TRDN: variants seen among roughly 807,000 people sequenced by gnomAD.
TRDN encodes the protein triadin in skeletal muscle.
In TRDN, 161 loss-of-function variants were observed where a neutral mutation model predicts 149.7. The ratio of observed to expected loss-of-function variants is 1.08; its 90% confidence interval spans 0.95 to 1.23. The LOEUF (loss-of-function observed/expected upper bound fraction) is 1.23, where lower values mean the gene tolerates loss of function less well. Ranked by LOEUF, TRDN falls within the 50% of genes most tolerant of loss-of-function variation. The probability of loss-of-function intolerance (pLI) is 0.00; values close to 1 mark genes in which losing one functional copy is unlikely to be tolerated. For synonymous variants in TRDN, 294 were observed against 250.5 expected (o/e 1.17, Z -1.64); for missense variants, 896 against 823.5 (o/e 1.09, Z -1.08).
At chr6:123,398,146 A>C (rs913072397) in intron 12 of TRDN, among the ~76,000 whole-genome samples, 3 of 152,224 alleles carry the variant, frequency 2.0e-5, no homozygotes, top group Admixed American at 6.5e-5. Context: ...CCGGGATTAC[A>C]GGCGTCCGCC....
rs397515459 is a variant in TRDN, at chr6:123,570,979, G to A, written c.176C>T (p.Thr59Met). 1.9e-5 allele frequency: 31 copies of A among 1,613,822 alleles called. No individual in the cohort carries two copies. Among genetic ancestry groups the A allele is most frequent in the Admixed American group, 3.3e-5 (2 of 60,008 alleles). The stretch of plus-strand genomic sequence containing the variant: ...CATAACGATGGCAACAGCTGACCAC[G>A]TGATTATCAGGGCAATGACCAGAAG... ...AWLLVIALII[T>M]WSAVAIVMFD... Residue 59 changes from threonine (T) to methionine (M), a missense_variant, in exon 2 of 41, where the codon ACG (threonine) becomes ATG (methionine). Coordinates refer to ENST00000334268, the MANE Select transcript of TRDN (RefSeq NM_006073.4).
At chr6:123,385,022 C>T (rs936715436) in intron 14 of TRDN, among the ~76,000 whole-genome samples, 1 of 152,180 alleles carries the variant, frequency 6.6e-6, no homozygotes, top group Admixed American at 6.5e-5. Flanking sequence ...AGGCTCCCAG[C>T]ACCTGTGATT....
intron 1 of TRDN, among the ~76,000 whole-genome samples, chr6:123,585,984 G>A (rs931897674): frequency 6.6e-6 from 1 of 152,040 alleles, no homozygotes; most frequent in Non-Finnish European, 1.5e-5. Context: ...GGAGCAGATT[G>A]GGTAATAAAA....
chr6:123,407,698 A>C (rs1477898145), intron 12 of TRDN, among the ~76,000 whole-genome samples: 1 of 152,114 alleles, frequency 6.6e-6, no homozygotes, highest in Non-Finnish European at 1.5e-5. Flanking sequence ...AGTCCCTTGA[A>C]TAAAAAATGT....
chr6:123,478,271 T>C (rs555588446), intron 9 of TRDN, among the ~76,000 whole-genome samples: 21 of 152,306 alleles, frequency 1.4e-4, no homozygotes, highest in African/African-American at 4.8e-4. Flanking sequence ...ATTTTTTACA[T>C]GGTCATTTTC....
At chr6:123,629,498 C>G (rs2114736189) in intron 1 of TRDN, among the ~76,000 whole-genome samples, 1 of 152,152 alleles carries the variant, frequency 6.6e-6, no homozygotes, top group Non-Finnish European at 1.5e-5. Context: ...ACCAAGTTTC[C>G]CCTATAAAGA....
At position 123,419,345 on chromosome 6, in the gene TRDN, G is replaced by T. The variant is rs182206036; in HGVS notation, c.1051+18718C>A. Among the ~76,000 whole-genome samples, 213 of 152,262 alleles carry T rather than the reference G, an allele frequency of 1.4e-3. 1 individual carries two copies. Among genetic ancestry groups the T allele is most frequent in the Admixed American group, 5.4e-3 (82 of 15,294 alleles). On this transcript the variant is annotated intron_variant, in intron 12 of 40. Coordinates refer to ENST00000334268, the MANE Select transcript of TRDN (RefSeq NM_006073.4). ...GTGAATTAGTTTCCATGATGGAGTT[G>T]CTTTAGCCTTTACACATGCATAATT...
rs562914984 is a variant in TRDN, at chr6:123,472,610, G to A, written c.854-7627C>T. ...TCAAGGAGGCCTGACTGCCTCTGTA[G>A]GCTCCACCTCTGGGGGCAGGGCACA... is the stretch of plus-strand genomic sequence containing the variant. On this transcript the variant is annotated intron_variant, in intron 9 of 40. Coordinates refer to ENST00000334268, the MANE Select transcript of TRDN (RefSeq NM_006073.4). Among the ~76,000 whole-genome samples, 4 of 152,370 alleles carry A rather than the reference G, an allele frequency of 2.6e-5. No individual in the cohort carries two copies. In the East Asian group the frequency reaches 7.7e-4, roughly 29 times the overall value.
chr6:123,539,129 A>G (rs4443523), intron 4 of TRDN, among the ~76,000 whole-genome samples: 81,606 of 151,546 alleles, frequency 0.54, 22,879 homozygotes, highest in African/African-American at 0.63. Flanking sequence ...GTCTCTCATG[A>G]CAAGGAAATT....
chr6:123,281,453 G>A (rs1357373220), intron 24 of TRDN, among the ~76,000 whole-genome samples: 3 of 151,956 alleles, frequency 2.0e-5, no homozygotes, highest in African/African-American at 4.8e-5. Flanking sequence ...GTGATTTAGG[G>A]ACATAGCTAT....
At chr6:123,539,462 A>C (rs1389873614) in intron 4 of TRDN, among the ~76,000 whole-genome samples, 2 of 152,236 alleles carry the variant, frequency 1.3e-5, no homozygotes, top group African/African-American at 4.8e-5. Flanking sequence ...TAGCTAGAAA[A>C]GACCTGGACA....
At chr6:123,528,640 A>G (rs1181219360) in intron 5 of TRDN, 2 of 986,050 alleles carry the variant, frequency 2.0e-6, no homozygotes, top group Non-Finnish European at 2.4e-6. Context: ...GACATGGAAC[A>G]TGGCATACAG....
intron 12 of TRDN, among the ~76,000 whole-genome samples, chr6:123,423,747 GT>G (rs778536687): frequency 6.6e-6 from 1 of 151,842 alleles, no homozygotes; most frequent in African/African-American, 2.4e-5. Flanking sequence ...ACCTTAATAT[GT>G]TTTTTTGTCT....
chr6:123,334,412 G>C (rs1779787391), intron 22 of TRDN, among the ~76,000 whole-genome samples: 1 of 152,044 alleles, frequency 6.6e-6, no homozygotes, highest in South Asian at 2.1e-4. Flanking sequence ...CTACTGTGTT[G>C]CCTCTTTGGA....
chr6:123,321,450 C>CT (rs1378549944), intron 23 of TRDN, among the ~76,000 whole-genome samples: 1 of 151,696 alleles, frequency 6.6e-6, no homozygotes, highest in African/African-American at 2.4e-5. Flanking sequence ...TCATTTGGAC[C>CT]TTTTTTTATT....
intron 24 of TRDN, among the ~76,000 whole-genome samples, chr6:123,281,984 T>C (rs1777599594): frequency 1.3e-5 from 2 of 152,098 alleles, no homozygotes; most frequent in South Asian, 4.1e-4. Flanking sequence ...TTTGCAGTTA[T>C]AATTAAGTTA....
chr6:123,376,059 C>A (rs191473113), intron 18 of TRDN, among the ~76,000 whole-genome samples: 1 of 152,056 alleles, frequency 6.6e-6, no homozygotes, highest in Non-Finnish European at 1.5e-5. Flanking sequence ...TGCTAAGTTG[C>A]TGCATTGTAA....
At chr6:123,381,209 C>T (rs972250368) in intron 16 of TRDN, among the ~76,000 whole-genome samples, 161 bp downstream of exon 16, 2 of 152,016 alleles carry the variant, frequency 1.3e-5, no homozygotes, top group African/African-American at 4.8e-5. Context: ...TCCACTCTAA[C>T]CCCCAGACTG....
intron 38 of TRDN, among the ~76,000 whole-genome samples, chr6:123,246,802 A>G (rs1776198974): frequency 6.6e-6 from 1 of 151,844 alleles, no homozygotes; most frequent in African/African-American, 2.4e-5. Flanking sequence ...AAAAAAAAAA[A>G]AGAAAATTTC....
Sources: gnomAD v4.1 joint callset for allele counts (sites outside exome capture counted in the v4.1 genomes callset) on GRCh38, gnomAD v4.1.1 for gene constraint, MANE v1.5 for transcripts, NCBI Gene and HGNC (gene_info 2026-07-23, HGNC 2026-07-21) for gene names.